The following PRSS3 variants were observed in gnomAD, a reference collection of about 807,000 sequenced individuals.
The protein encoded by PRSS3 is trypsin-3.
In PRSS3, 14 loss-of-function variants were observed where a neutral mutation model predicts 20.8. The ratio of observed to expected loss-of-function variants is 0.67; its 90% CI spans 0.44 to 1.05. The LOEUF (loss-of-function observed/expected upper bound fraction) is 1.05. Ranked by LOEUF, PRSS3 falls within the 50% of genes least tolerant of loss-of-function variation. PRSS3 has a pLI of 0.00. For missense variants in PRSS3, 237 were observed against 306.4 expected, an observed-to-expected ratio of 0.77 and a Z score of 1.69; for synonymous variants, 91 against 117.6, an observed-to-expected ratio of 0.77 and a Z score of 1.46.
At position 33,750,880 on chromosome 9, in the gene PRSS3, T is replaced by G; in HGVS notation, c.-53+153T>G. The stretch of plus-strand genomic sequence containing the variant: ...ACGCGGACAGGGAGGGGATACCGAC[T>G]GGGAGGGGCTCAGGGACAGGGATGG... On this transcript the variant is annotated intron_variant, in intron 1 of 5. Coordinates refer to the PRSS3 transcript ENST00000342836. This position sits in a 1 kb window ranked among gnomAD's most constrained non-coding sequence, Gnocchi z 4.8. 7.4e-7 allele frequency: 1 copy of G among 1,358,576 alleles called. No homozygotes were observed. The highest frequency in any genetic ancestry group is 9.4e-7 in the Non-Finnish European group (1 of 1,060,814). 84.2% of individuals were successfully genotyped at this position (1,358,576 alleles called of 1,614,324 possible). A position where few individuals can be genotyped will look rare whatever the true frequency, so the allele number is the denominator to read the frequency against.
At chr9:33,777,354 TGAA>T (rs1223039027) in intron 1 of PRSS3, among the ~76,000 whole-genome samples, 2 of 151,262 alleles carry the variant, frequency 1.3e-5, no homozygotes, top group African/African-American at 4.9e-5. Flanking sequence ...GAGGAAGAAA[TGAA>T]GAGCACAAGA....
At chr9:33,781,115 G>A (rs1252651779) in intron 1 of PRSS3, among the ~76,000 whole-genome samples, 2 of 152,188 alleles carry the variant, frequency 1.3e-5, no homozygotes, top group African/African-American at 2.4e-5. Flanking sequence ...TTCAGGCACT[G>A]AGGAAAGCAG....
Position 33,798,599 on chromosome 9 carries a change from GA to G in PRSS3, c.569del (p.Glu190GlyfsTer?). 1 of 1,614,164 alleles carries G rather than the reference GA, an allele frequency of 6.2e-7. No homozygotes were observed. Among genetic ancestry groups the G allele is most frequent in the Non-Finnish European group, 8.5e-7 (1 of 1,180,008 alleles). On this transcript the variant is annotated frameshift_variant, in exon 4 of 5. Transcript: ENST00000379405. LOFTEE classifies it high-confidence loss of function. ...TNSMFCVGFLEGGKDSCQRDS... is the reference protein window; with the variant it reads ...TNSMFCVGFLXGGKDSCQRDS... Reference sequence around the variant, plus strand: ...CAGCATGTTCTGTGTGGGCTTCCTTGAGGGAGGCAAGGATTCCTGCCAGGTG... The same window carrying G: ...CAGCATGTTCTGTGTGGGCTTCCTTGGGGAGGCAAGGATTCCTGCCAGGTG...
At chr9:33,788,639 C>T (rs1357988373) in intron 1 of PRSS3, among the ~76,000 whole-genome samples, 4 of 152,116 alleles carry the variant, frequency 2.6e-5, no homozygotes, top group Admixed American at 6.5e-5. Flanking sequence ...TCACGTTATT[C>T]TGGAAGGATC....
At chr9:33,776,399 C>T (rs1037975933) in intron 1 of PRSS3, among the ~76,000 whole-genome samples, 3 of 152,060 alleles carry the variant, frequency 2.0e-5, no homozygotes, top group African/African-American at 4.8e-5. Flanking sequence ...AAAAAAAGCT[C>T]AACCAACACT....
intron 1 of PRSS3, among the ~76,000 whole-genome samples, chr9:33,775,301 A>G (rs953568541): frequency 6.6e-6 from 1 of 152,214 alleles, no homozygotes; most frequent in African/African-American, 2.4e-5. Flanking sequence ...GGGGCTGACC[A>G]TGAAAACTAG....
intron 1 of PRSS3, among the ~76,000 whole-genome samples, chr9:33,788,082 A>C (rs1316879820): frequency 6.6e-6 from 1 of 152,230 alleles, no homozygotes; most frequent in Admixed American, 6.5e-5. Flanking sequence ...TTGGCAAAGC[A>C]CTGAAGGACA....
intron 1 of PRSS3, among the ~76,000 whole-genome samples, chr9:33,754,273 T>C (rs1336787667): frequency 6.6e-6 from 1 of 151,742 alleles, no homozygotes; most frequent in Non-Finnish European, 1.5e-5. Flanking sequence ...GGTTTCACCA[T>C]GTTGGTCAGG....
chr9:33,798,005 T>C lies in PRSS3; in HGVS notation c.377T>C (p.Ile126Thr). 3.1e-6 allele frequency: 5 copies of C among 1,614,262 alleles called. No homozygotes were observed. The highest frequency in any genetic ancestry group is 3.4e-6 in the Non-Finnish European group (4 of 1,180,028). Reference protein sequence around the residue: ...PAVINARVSTISLPTTPPAAG... With the variant: ...PAVINARVSTTSLPTTPPAAG... ...GTCATCAATGCCCGCGTGTCCACCA[T>C]CTCTCTGCCCACCACCCCTCCAGCT... The change falls in exon 3 of 5, where the codon ATC becomes ACC. Residue 126 changes from isoleucine to threonine, a missense_variant. By Grantham distance (89) the Ile-to-Thr change is moderately conservative. Coordinates refer to ENST00000379405, the MANE Select transcript of PRSS3 (RefSeq NM_002771.4).
chr9:33,773,876 G>C (rs1823809808), intron 1 of PRSS3, among the ~76,000 whole-genome samples: 1 of 152,194 alleles, frequency 6.6e-6, no homozygotes, highest in African/African-American at 2.4e-5. Flanking sequence ...CTGGGCTCAA[G>C]CAATCTTCCT....
chr9:33,788,968 AAATTATATT>A (rs1419889029), intron 1 of PRSS3, among the ~76,000 whole-genome samples: 3 of 152,196 alleles, frequency 2.0e-5, no homozygotes, highest in African/African-American at 7.2e-5. Context: ...TTGTTCATCT[AAATTATATT>A]AATTTTTATT....
Position 33,789,192 on chromosome 9 carries a change from C to T in PRSS3, c.-52-5554C>T, listed in dbSNP as rs762652094. 2.0e-5 allele frequency among the ~76,000 whole-genome samples: 3 copies of T among 152,136 alleles called. No individual in the cohort carries two copies. The East Asian group carries it at 5.8e-4, about 29-fold the overall frequency. On this transcript the variant is annotated intron_variant, in intron 1 of 5. Coordinates refer to the PRSS3 transcript ENST00000342836. Reference sequence around the variant, plus strand: ...GCTCTCACTCAGGGTGGCCTATTTCCTTGGGCATTATTTAATTTGATGTCA... The same window carrying T: ...GCTCTCACTCAGGGTGGCCTATTTCTTTGGGCATTATTTAATTTGATGTCA...
upstream of PRSS3, among the ~76,000 whole-genome samples, chr9:33,791,904 G>A (rs1824649037): frequency 6.6e-6 from 1 of 152,162 alleles, no homozygotes; most frequent in Non-Finnish European, 1.5e-5. Flanking sequence ...CTTCAAGGTG[G>A]GGAGCAGCTG....
intron 1 of PRSS3, among the ~76,000 whole-genome samples, chr9:33,789,305 G>A (rs565163667): frequency 2.0e-5 from 3 of 152,130 alleles, no homozygotes; most frequent in East Asian, 3.8e-4. Context: ...AAATTGGGGC[G>A]CTACAGACCT....
chr9:33,759,832 G>A (rs1158860121), intron 1 of PRSS3, among the ~76,000 whole-genome samples: 1 of 152,204 alleles, frequency 6.6e-6, no homozygotes, highest in East Asian at 1.9e-4. Context: ...GGAAACGGAA[G>A]TAAGGGCTTA....
Position 33,750,971 on chromosome 9 carries a change from C to A in PRSS3, c.-53+244C>A, listed in dbSNP as rs1470584638. 4.2e-6 allele frequency: 4 copies of A among 942,330 alleles called. No individual in the cohort carries two copies. The highest frequency in any genetic ancestry group is 5.7e-6 in the Non-Finnish European group (4 of 705,336). 58.4% of individuals were successfully genotyped at this position (942,330 alleles called of 1,614,324 possible). ...GGTGTCGCAGAAGCCCACCTGGGGCCCCCTCCGGGCTGCGGCACCGATGCG... is the reference window on the plus strand; with the variant it reads ...GGTGTCGCAGAAGCCCACCTGGGGCACCCTCCGGGCTGCGGCACCGATGCG... On this transcript the variant is annotated intron_variant, in intron 1 of 5. Transcript: ENST00000342836. This position sits in a 1 kb window ranked among gnomAD's most constrained non-coding sequence, Gnocchi z 4.8.
upstream of PRSS3, among the ~76,000 whole-genome samples, chr9:33,791,542 C>T (rs1487930546): frequency 6.6e-6 from 1 of 152,188 alleles, no homozygotes; most frequent in Non-Finnish European, 1.5e-5. Context: ...TAAATACATA[C>T]ACCATATATT....
intron 1 of PRSS3, among the ~76,000 whole-genome samples, 172 bp downstream of exon 1, chr9:33,795,785 C>T (rs879203642): frequency 1.4e-4 from 20 of 144,196 alleles, no homozygotes; most frequent in African/African-American, 4.4e-4. Flanking sequence ...ACCTGTTTCA[C>T]CTTTTCCCTC....
intron 1 of PRSS3, among the ~76,000 whole-genome samples, chr9:33,758,882 A>G (rs1340157728): frequency 1.3e-5 from 2 of 152,246 alleles, no homozygotes; most frequent in African/African-American, 2.4e-5. Context: ...GTGCTAGTTT[A>G]TGATGGAGAT....
Sources: allele counts gnomAD v4.1 joint callset (sites outside exome capture counted in the v4.1 genomes callset), GRCh38; gene constraint gnomAD v4.1.1; non-coding constraint Gnocchi (gnomAD v3.1); transcripts MANE v1.5; gene names NCBI Gene and HGNC (gene_info 2026-07-23, HGNC 2026-07-21).